Variants in ABCC4 observed in about 807,000 individuals in gnomAD.
ABCC4 encodes ATP-binding cassette sub-family C member 4.
ABCC4 carries 102 observed loss-of-function variants against 168.5 expected under a neutral mutation model. That is an observed-to-expected ratio of 0.61 (90% CI 0.52 to 0.71). ABCC4 has a LOEUF of 0.71. ABCC4 is among the 30% of genes least tolerant of loss of function. ABCC4 has a pLI of 0.00. For synonymous variants in ABCC4, 617 were observed against 590.7 expected (o/e 1.04, Z -0.65); for missense variants, 1,402 against 1,605.8 (o/e 0.87, Z 2.17).
At chr13:95,201,629 T>A (rs562369515) in intron 8 of ABCC4, among the ~76,000 whole-genome samples, 8 of 152,194 alleles carry the variant, frequency 5.3e-5, no homozygotes, top group African/African-American at 1.9e-4. Flanking sequence ...AAGGGGAAAA[T>A]GAGGACAAAG....
intron 9 of ABCC4, among the ~76,000 whole-genome samples, chr13:95,193,377 T>C (rs4148482): frequency 0.63 from 96,069 of 152,084 alleles, 30,779 homozygotes; most frequent in Non-Finnish European, 0.69. Flanking sequence ...GAAGAGACCC[T>C]CGCCCTCTGC....
At chr13:95,072,005 G>T in intron 24 of ABCC4, 152 bp from the exon 25 acceptor site, 2 of 500,170 alleles carry the variant, frequency 4.0e-6, no homozygotes, top group Non-Finnish European at 6.6e-6. Flanking sequence ...TACAAATTTG[G>T]TTCATCATTG....
At position 95,165,542 on chromosome 13, in the gene ABCC4, T is replaced by A. The variant is rs570355640; in HGVS notation, c.2034+616A>T. ...ACTCTGAAGATGTATTGAGCAGCTC[T>A]ATGCTGGCCACTGGGAACACCAAGG... On this transcript the variant is annotated intron_variant, in intron 15 of 30. Coordinates refer to ENST00000645237, the MANE Select transcript of ABCC4 (RefSeq NM_005845.5). 2.0e-5 allele frequency among the ~76,000 whole-genome samples: 3 copies of A among 152,312 alleles called. No homozygotes were observed. In the South Asian group the frequency reaches 6.2e-4, roughly 32 times the overall value.
intron 19 of ABCC4, 74 bp from the exon 20 acceptor site, chr13:95,116,075 TCAAAA>T (rs1379481263): frequency 1.2e-5 from 13 of 1,102,260 alleles, no homozygotes; most frequent in Non-Finnish European, 1.7e-5. Flanking sequence ...CGCAAACAAA[TCAAAA>T]CAATATTTTA....
At chr13:95,079,943 G>T (rs1340670621) in intron 21 of ABCC4, among the ~76,000 whole-genome samples, 1 of 152,222 alleles carries the variant, frequency 6.6e-6, no homozygotes, top group Non-Finnish European at 1.5e-5. Context: ...TATTTCCAAG[G>T]CTGTGCTTTT....
At chr13:95,230,568 A>C (rs2039591478) in intron 4 of ABCC4, among the ~76,000 whole-genome samples, 1 of 152,188 alleles carries the variant, frequency 6.6e-6, no homozygotes, top group Non-Finnish European at 1.5e-5. Context: ...CGAGGTCAGT[A>C]GTTTGAGATC....
At chr13:95,032,663 C>A in intron 30 of ABCC4, among the ~76,000 whole-genome samples, 1 of 107,686 alleles carries the variant, frequency 9.3e-6, no homozygotes, top group East Asian at 3.4e-4. Context: ...TTTTCTTTTT[C>A]TTTTTTCTTT....
At chr13:95,281,834 C>T (rs557066764) in intron 1 of ABCC4, among the ~76,000 whole-genome samples, 8 of 152,228 alleles carry the variant, frequency 5.3e-5, no homozygotes, top group Admixed American at 4.6e-4. Context: ...AGGCCAGGCA[C>T]TATGGCTCAC....
chr13:95,217,658 C>T (rs1219560002), intron 4 of ABCC4, among the ~76,000 whole-genome samples: 2 of 146,822 alleles, frequency 1.4e-5, no homozygotes, highest in African/African-American at 2.5e-5. Context: ...CGCTTGAACC[C>T]GAGAGGCAGG....
At chr13:95,170,499 T>C in intron 14 of ABCC4, 33 bp downstream of exon 14, 1 of 1,420,830 alleles carries the variant, frequency 7.0e-7, no homozygotes. Flanking sequence ...CCCAAGTACT[T>C]GCAAGTTCGG....
At chr13:95,144,664 G>C (rs1443676964) in intron 19 of ABCC4, among the ~76,000 whole-genome samples, 7 of 151,800 alleles carry the variant, frequency 4.6e-5, no homozygotes, top group Non-Finnish European at 8.8e-5. Flanking sequence ...AAATATTTAG[G>C]AACACAGGTA....
chr13:95,243,034 A>T (rs542838857), intron 3 of ABCC4, among the ~76,000 whole-genome samples: 1 of 152,364 alleles, frequency 6.6e-6, no homozygotes, highest in East Asian at 1.9e-4. Flanking sequence ...CCTCTAAAGA[A>T]TAACTGACTA....
intron 18 of ABCC4, 108 bp from the exon 19 acceptor site, chr13:95,161,443 A>T: frequency 1.2e-6 from 1 of 836,144 alleles, no homozygotes; most frequent in Non-Finnish European, 1.7e-6. Flanking sequence ...AATTTATTCC[A>T]TAAAGCATCT....
intron 27 of ABCC4, among the ~76,000 whole-genome samples, chr13:95,051,557 T>C (rs182772063): frequency 6.5e-4 from 99 of 152,170 alleles, no homozygotes; most frequent in African/African-American, 2.2e-3. Flanking sequence ...TTTTTATTTT[T>C]AGTAGAGACA....
chr13:95,248,117 T>C (rs1368734571), intron 1 of ABCC4, among the ~76,000 whole-genome samples: 6 of 151,978 alleles, frequency 3.9e-5, no homozygotes, highest in Admixed American at 2.6e-4. Flanking sequence ...TGAGATACCA[T>C]ACGATAAGGA....
intron 20 of ABCC4, among the ~76,000 whole-genome samples, chr13:95,108,967 T>C (rs185878409): frequency 1.5e-3 from 236 of 152,308 alleles, no homozygotes; most frequent in Non-Finnish European, 2.4e-3. Flanking sequence ...GGTCCAGTCA[T>C]TAGCAAACAC....
chr13:95,216,632 A>ACC (rs34429583), intron 4 of ABCC4, among the ~76,000 whole-genome samples: 2 of 140,908 alleles, frequency 1.4e-5, no homozygotes, highest in South Asian at 2.2e-4. Flanking sequence ...AAAAAAAAAA[A>ACC]CCAGCACAAA....
chr13:95,021,784 T>A (rs2031100784), intron 30 of ABCC4, 102 bp from the exon 31 acceptor site: 4 of 768,596 alleles, frequency 5.2e-6, no homozygotes, highest in African/African-American at 1.8e-5. Flanking sequence ...GTGAAGCAAA[T>A]CATATCCCTC....
At chr13:95,088,547 A>G (rs1188846823) in intron 20 of ABCC4, among the ~76,000 whole-genome samples, 2 of 152,236 alleles carry the variant, frequency 1.3e-5, no homozygotes, top group Non-Finnish European at 2.9e-5. Flanking sequence ...AAGTGGATTT[A>G]ACATGAAATC....
Sources: gnomAD v4.1 joint callset for allele counts (sites outside exome capture counted in the v4.1 genomes callset) on GRCh38, gnomAD v4.1.1 for gene constraint, MANE v1.5 for transcripts, NCBI Gene and HGNC (gene_info 2026-07-23, HGNC 2026-07-21) for gene names.